The following SH3GL3 variants were observed in gnomAD, a reference collection of about 807,000 sequenced individuals.
The protein encoded by SH3GL3 is endophilin-A3.
Under a neutral mutation model 47.7 loss-of-function variants are expected in SH3GL3, and 33 were observed. The ratio of observed to expected loss-of-function variants is 0.69; its 90% CI spans 0.52 to 0.92. The LOEUF (loss-of-function observed/expected upper bound fraction) is 0.92. Ranked by LOEUF, SH3GL3 falls within the 40% of genes least tolerant of loss-of-function variation. The pLI is 0.00. For synonymous variants in SH3GL3, 155 were observed against 148.8 expected (o/e 1.04, Z -0.30); for missense variants, 363 against 417.8 (o/e 0.87, Z 1.14).
At chr15:83,522,242 C>T (rs1302632210) in intron 1 of SH3GL3, among the ~76,000 whole-genome samples, 2 of 152,130 alleles carry the variant, frequency 1.3e-5, no homozygotes, top group African/African-American at 4.8e-5. Context: ...CCAACATTTT[C>T]AAAGTTAGAG....
intron 1 of SH3GL3, among the ~76,000 whole-genome samples, chr15:83,535,037 A>G (rs1230691168): frequency 1.3e-5 from 2 of 152,228 alleles, no homozygotes; most frequent in African/African-American, 4.8e-5. Context: ...AAGTTTTAAT[A>G]AAATTTGGTA....
intron 1 of SH3GL3, 148 bp from the exon 2 acceptor site, chr15:83,559,105 C>T (rs910980659): frequency 1.6e-6 from 1 of 618,388 alleles, no homozygotes; most frequent in African/African-American, 1.9e-5. Flanking sequence ...GATATGGTTA[C>T]CCCTTCCAAC....
intron 1 of SH3GL3, among the ~76,000 whole-genome samples, chr15:83,474,448 A>T (rs1365297627): frequency 1.3e-5 from 2 of 152,202 alleles, no homozygotes; most frequent in African/African-American, 2.4e-5. Flanking sequence ...TTAATTTTTT[A>T]AAAAGCTGTG....
chr15:83,592,683 G>T (rs1056741767), intron 8 of SH3GL3, among the ~76,000 whole-genome samples: 1 of 152,280 alleles, frequency 6.6e-6, no homozygotes, highest in East Asian at 1.9e-4. Flanking sequence ...GCTCGCTGAG[G>T]AATCTTTTAA....
chr15:83,597,004 A>C (rs201229577), intron 8 of SH3GL3, among the ~76,000 whole-genome samples: 1 of 151,998 alleles, frequency 6.6e-6, no homozygotes, highest in East Asian at 1.9e-4. Flanking sequence ...TGAATTTCTT[A>C]CTCCAATTGT....
At chr15:83,471,861 T>A (rs151316468) in intron 1 of SH3GL3, among the ~76,000 whole-genome samples, 1 of 152,140 alleles carries the variant, frequency 6.6e-6, no homozygotes, top group Admixed American at 6.5e-5. Context: ...TTGACTATGA[T>A]GTGTCTTGGT....
intron 1 of SH3GL3, among the ~76,000 whole-genome samples, chr15:83,540,960 G>A (rs546559780): frequency 2.6e-4 from 40 of 152,082 alleles, no homozygotes; most frequent in Admixed American, 1.8e-3. Context: ...CCCAGCCTCC[G>A]GTGACCATCG....
chr15:83,609,814 A>G (rs1422451962), intron 8 of SH3GL3, among the ~76,000 whole-genome samples: 1 of 152,104 alleles, frequency 6.6e-6, no homozygotes, highest in African/African-American at 2.4e-5. Flanking sequence ...AGGGTTAGAG[A>G]TGGAGCCCTG....
intron 1 of SH3GL3, among the ~76,000 whole-genome samples, chr15:83,450,600 CA>C (rs2039694523): frequency 6.6e-6 from 1 of 150,556 alleles, no homozygotes; most frequent in African/African-American, 2.4e-5. Flanking sequence ...ACATGGAGAC[CA>C]ACAGGAAAGA....
intron 5 of SH3GL3, among the ~76,000 whole-genome samples, chr15:83,574,540 C>T (rs1279564085): frequency 6.6e-6 from 1 of 152,144 alleles, no homozygotes; most frequent in Non-Finnish European, 1.5e-5. Context: ...CACAGCACAG[C>T]TGCCCTTGAC....
chr15:83,478,901 C>T (rs1339290212), intron 1 of SH3GL3, among the ~76,000 whole-genome samples: 1 of 152,236 alleles, frequency 6.6e-6, no homozygotes, highest in Non-Finnish European at 1.5e-5. Context: ...CTGCCTGGAA[C>T]AGAAAATGAA....
At chr15:83,577,005 G>A (rs566811305) in intron 6 of SH3GL3, among the ~76,000 whole-genome samples, 6 of 131,034 alleles carry the variant, frequency 4.6e-5, no homozygotes, top group Non-Finnish European at 7.7e-5. Context: ...CCGTCTCCTT[G>A]GTTCAAGTGA....
intron 5 of SH3GL3, among the ~76,000 whole-genome samples, chr15:83,574,311 A>G (rs903717584): frequency 3.3e-5 from 5 of 152,088 alleles, no homozygotes; most frequent in Admixed American, 6.5e-5. Context: ...TAAACATCCC[A>G]TTCCCCACCT....
At chr15:83,548,053 C>T (rs2044490521) in intron 1 of SH3GL3, among the ~76,000 whole-genome samples, 1 of 151,376 alleles carries the variant, frequency 6.6e-6, no homozygotes, top group Non-Finnish European at 1.5e-5. Flanking sequence ...AATTATAACA[C>T]ACTTTTTTTT....
chr15:83,572,532 A>G (rs2059569611), intron 4 of SH3GL3, 33 bp from the exon 5 acceptor site: 2 of 1,593,132 alleles, frequency 1.3e-6, no homozygotes, highest in African/African-American at 2.7e-5. Context: ...AGTGTTCCCA[A>G]AGAACCTTTT....
intron 8 of SH3GL3, among the ~76,000 whole-genome samples, chr15:83,615,689 G>GA (rs565283275): frequency 2.5e-3 from 376 of 152,032 alleles, no homozygotes; most frequent in African/African-American, 8.8e-3. Flanking sequence ...GGACAAAATA[G>GA]AAAAAATCCA....
chr15:83,563,909 A>G (rs1332267520), intron 2 of SH3GL3, among the ~76,000 whole-genome samples: 1 of 152,184 alleles, frequency 6.6e-6, no homozygotes, highest in Non-Finnish European at 1.5e-5. Context: ...GAGTGCTGGG[A>G]TTACAGGTGT....
At chr15:83,621,471 C>T (rs1368755556), downstream of SH3GL3, among the ~76,000 whole-genome samples, 1 of 152,146 alleles carries the variant, frequency 6.6e-6, no homozygotes, top group Non-Finnish European at 1.5e-5. Context: ...ACACACACAA[C>T]ATTTATCAGT....
At chr15:83,497,410 C>T (rs925564993) in intron 1 of SH3GL3, among the ~76,000 whole-genome samples, 1 of 152,194 alleles carries the variant, frequency 6.6e-6, no homozygotes, top group Admixed American at 6.5e-5. Context: ...TTCTCGCTAT[C>T]TCTTTTACCA....
Sources: allele counts gnomAD v4.1 joint callset (sites outside exome capture counted in the v4.1 genomes callset), GRCh38; gene constraint gnomAD v4.1.1; transcripts MANE v1.5; gene names NCBI Gene and HGNC (gene_info 2026-07-23, HGNC 2026-07-21).